DCK: variants seen among roughly 807,000 people sequenced by gnomAD.
DCK encodes the protein deoxycytidine kinase.
In DCK, 23 loss-of-function variants were observed where a neutral mutation model predicts 38.3. The observed-to-expected ratio is 0.60, with a 90% CI of 0.43 to 0.85. The LOEUF (loss-of-function observed/expected upper bound fraction) is 0.85, where lower values mean the gene tolerates loss of function less well. DCK is among the 40% of genes least tolerant of loss of function. The probability of loss-of-function intolerance (pLI) is 0.00; values close to 1 mark genes in which losing one functional copy is unlikely to be tolerated. For missense variants in DCK, 259 were observed against 304.4 expected (o/e 0.85, Z 1.11); for synonymous variants, 108 against 100.6 (o/e 1.07, Z -0.44).
intron 2 of DCK, among the ~76,000 whole-genome samples, chr4:71,000,125 A>G (rs1333892727): frequency 6.6e-6 from 1 of 152,138 alleles, no homozygotes; most frequent in Non-Finnish European, 1.5e-5. Flanking sequence ...GGTATTGCCT[A>G]TGTTTTCTTC....
chr4:70,993,993 C>G (rs772840327), intron 1 of DCK, 67 bp downstream of exon 1: 4 of 1,121,662 alleles, frequency 3.6e-6, no homozygotes, highest in Non-Finnish European at 5.4e-6. Context: ...AGCTTCCCTT[C>G]GCCGCATCTC....
At chr4:71,028,604 C>CTTTTTTTT in intron 6 of DCK, 4 of 386,634 alleles carry the variant, frequency 1.0e-5, no homozygotes, top group South Asian at 3.9e-5. Context: ...AACAATATTT[C>CTTTTTTTT]TTTTTTTTCT....
intron 4 of DCK, among the ~76,000 whole-genome samples, chr4:71,025,157 T>C (rs1740515521): frequency 6.6e-6 from 1 of 152,068 alleles, no homozygotes; most frequent in South Asian, 2.1e-4. Context: ...TTTATGTATG[T>C]GTGCTTTTGG....
chr4:71,023,184 A>G (rs548678360), intron 3 of DCK, among the ~76,000 whole-genome samples: 33 of 152,372 alleles, frequency 2.2e-4, no homozygotes, highest in East Asian at 2.1e-3. Context: ...AAAAGTAGCT[A>G]GAAGAATATC....
Position 71,025,921 on chromosome 4 carries a change from A to G in DCK, c.655A>G (p.Arg219Gly). The G allele has an allele frequency of 3.1e-6, 5 of 1,591,460 alleles. No individual in the cohort carries two copies. Among genetic ancestry groups the G allele is most frequent in the Non-Finnish European group, 4.3e-6 (5 of 1,172,406 alleles). The change falls in exon 5 of 7, where the codon AGG (arginine) becomes GGG (glycine). Residue 219 changes from arginine to glycine, a missense_variant. Transcript: ENST00000286648. Reference sequence around the variant, plus strand: ...TAAACATGAAAGCTGGCTCCTGCATAGGACACTGAAGTAAGACTTATTTTT... The same window carrying G: ...TAAACATGAAAGCTGGCTCCTGCATGGGACACTGAAGTAAGACTTATTTTT... Reference protein sequence around the residue: ...HYKHESWLLHRTLKTNFDYLQ... With the variant: ...HYKHESWLLHGTLKTNFDYLQ...
chr4:71,029,247 A>G (rs1441784832), intron 6 of DCK, 105 bp from the exon 7 acceptor site: 8 of 632,544 alleles, frequency 1.3e-5, no homozygotes, highest in Non-Finnish European at 2.1e-5. Context: ...AGTTACTTAT[A>G]CAGCTGGGGT....
intron 2 of DCK, among the ~76,000 whole-genome samples, chr4:71,021,327 G>A (rs953141280): frequency 4.0e-5 from 6 of 151,080 alleles, no homozygotes; most frequent in Middle Eastern, 3.2e-3. Flanking sequence ...CACCCGCCTC[G>A]GCCTCCCAAA....
At chr4:71,009,964 T>C (rs760890521) in intron 2 of DCK, among the ~76,000 whole-genome samples, 4 of 152,182 alleles carry the variant, frequency 2.6e-5, no homozygotes, top group Non-Finnish European at 5.9e-5. Flanking sequence ...TATTCAAATG[T>C]CAATTTTTCT....
intron 2 of DCK, among the ~76,000 whole-genome samples, chr4:71,016,527 C>G (rs1206990198): frequency 6.6e-6 from 1 of 152,174 alleles, no homozygotes. Flanking sequence ...TACCTGACTT[C>G]AAACTATACT....
intron 4 of DCK, among the ~76,000 whole-genome samples, chr4:71,025,537 T>TTAATTTTTTTCTCCTTTTTATCAAACTTA (rs1740526154): frequency 6.6e-6 from 1 of 152,118 alleles, no homozygotes; most frequent in Admixed American, 6.5e-5. Context: ...AAGTAGATGT[T>TTAATTTTTTTCTCCTTTTTATCAAACTTA]TAATTTTTTT....
chr4:71,013,277 G>A (rs1332464788), intron 2 of DCK, among the ~76,000 whole-genome samples: 7 of 152,184 alleles, frequency 4.6e-5, no homozygotes, highest in African/African-American at 1.2e-4. Flanking sequence ...CCAAATCTGC[G>A]TCTGATTGGT....
chr4:71,020,067 C>T lies in DCK; in HGVS notation c.208-2300C>T, dbSNP rs752754044. Among the ~76,000 whole-genome samples, 8 of 152,184 alleles carry T rather than the reference C, an allele frequency of 5.3e-5. No individual in the cohort carries two copies. The East Asian group carries it at 5.8e-4, about 11-fold the overall frequency. On this transcript the variant is annotated intron_variant, in intron 2 of 6. Transcript: ENST00000286648. ...CCTCCCAAAGTGTTGGGATTACAGG[C>T]GTGAACCACTGGGCCTGCCCTTGAT...
intron 2 of DCK, among the ~76,000 whole-genome samples, chr4:71,003,362 C>T (rs1411796340): frequency 6.6e-6 from 1 of 152,126 alleles, no homozygotes; most frequent in African/African-American, 2.4e-5. Flanking sequence ...GTGGGTAACC[C>T]GACCTTTCTC....
intron 2 of DCK, among the ~76,000 whole-genome samples, chr4:71,002,709 T>A (rs1378297481): frequency 6.6e-6 from 1 of 152,180 alleles, no homozygotes; most frequent in Non-Finnish European, 1.5e-5. Context: ...TTTACCATTA[T>A]GTAATGCCCT....
intron 2 of DCK, among the ~76,000 whole-genome samples, chr4:71,010,225 A>C (rs1740051723): frequency 6.7e-6 from 1 of 149,380 alleles, no homozygotes; most frequent in South Asian, 2.1e-4. Flanking sequence ...TACTATTGAT[A>C]AGGTACTCCT....
intron 2 of DCK, among the ~76,000 whole-genome samples, chr4:71,002,311 A>C (rs946492154): frequency 1.3e-5 from 2 of 152,104 alleles, no homozygotes; most frequent in African/African-American, 4.8e-5. Flanking sequence ...TTCTAATTTG[A>C]TTGCACTGTG....
intron 2 of DCK, among the ~76,000 whole-genome samples, chr4:71,005,431 A>G (rs1739915530): frequency 1.3e-5 from 2 of 152,064 alleles, no homozygotes; most frequent in African/African-American, 4.8e-5. Flanking sequence ...CTGGGAATCT[A>G]AAAGTTTTTA....
chr4:70,993,693 C>T lies in DCK; in HGVS notation c.-143C>T, dbSNP rs1739589671. On this transcript the variant is annotated 5_prime_UTR_variant, in exon 1 of 7. Coordinates refer to ENST00000286648, the MANE Select transcript of DCK (RefSeq NM_000788.3). Reference sequence around the variant, plus strand: ...GCGCGCCAAAGTCAAACCCCGACACCCGCCGGCGGGCCGGTGAGCTCACTA... The same window carrying T: ...GCGCGCCAAAGTCAAACCCCGACACTCGCCGGCGGGCCGGTGAGCTCACTA... 3.4e-6 allele frequency: 2 copies of T among 588,254 alleles called. No individual in the cohort carries two copies. The highest frequency in any genetic ancestry group is 5.9e-6 in the Non-Finnish European group (2 of 336,294). 36.4% of individuals were successfully genotyped at this position (588,254 alleles called of 1,614,324 possible). A position where few individuals can be genotyped will look rare whatever the true frequency, so the allele number is the denominator to read the frequency against.
chr4:70,993,944 A>G lies in DCK; in HGVS notation c.91+18A>G. 1 of 1,576,134 alleles carries G rather than the reference A, an allele frequency of 6.3e-7. No homozygotes were observed. Among genetic ancestry groups the G allele is most frequent in the South Asian group, 1.1e-5 (1 of 90,062 alleles). On this transcript the variant is annotated intron_variant, in intron 1 of 6. Coordinates refer to ENST00000286648, the MANE Select transcript of DCK (RefSeq NM_000788.3). ...GAACATCGGTAAGGAGCCTCCGGAAATGTGGGACGCAAGGCTGGGGTGTCG... is the reference window on the plus strand; with the variant it reads ...GAACATCGGTAAGGAGCCTCCGGAAGTGTGGGACGCAAGGCTGGGGTGTCG...
Sources: allele counts gnomAD v4.1 joint callset (sites outside exome capture counted in the v4.1 genomes callset), GRCh38; gene constraint gnomAD v4.1.1; transcripts MANE v1.5; gene names NCBI Gene and HGNC (gene_info 2026-07-23, HGNC 2026-07-21).